The following ADAMTS13 variants were observed in gnomAD, a reference collection of about 807,000 sequenced individuals.
The protein encoded by ADAMTS13 is ADAM metallopeptidase with thrombospondin type 1 motif 13.
ADAMTS13 carries 110 observed loss-of-function variants against 155.1 expected under a neutral mutation model. That is an observed-to-expected ratio of 0.71 (90% CI 0.61 to 0.83). The LOEUF (loss-of-function observed/expected upper bound fraction) is 0.83, where lower values mean the gene tolerates loss of function less well. Ranked by LOEUF, ADAMTS13 falls within the 40% of genes least tolerant of loss-of-function variation. The pLI is 0.00. For missense variants in ADAMTS13, 1,707 were observed against 1,891.7 expected (o/e 0.90, Z 1.81); for synonymous variants, 758 against 756.4 (o/e 1.00, Z -0.03).
upstream of ADAMTS13, among the ~76,000 whole-genome samples, chr9:133,419,175 C>T (rs1254509521): frequency 6.6e-6 from 1 of 152,094 alleles, no homozygotes; most frequent in Non-Finnish European, 1.5e-5. Flanking sequence ...GTGTAACAGG[C>T]AGAGGTTGAT....
chr9:133,439,014 G>C (rs1265652051), intron 14 of ADAMTS13, among the ~76,000 whole-genome samples: 3 of 152,104 alleles, frequency 2.0e-5, no homozygotes, highest in Admixed American at 2.0e-4. Context: ...TGAATGAGAG[G>C]GTTGGTAGTT....
intron 14 of ADAMTS13, 108 bp downstream of exon 14, chr9:133,438,474 C>T (rs1841417047): frequency 6.6e-7 from 1 of 1,511,630 alleles, no homozygotes; most frequent in Non-Finnish European, 8.9e-7. Context: ...CCTGCACACT[C>T]ACTCAGCCCT....
chr9:133,450,361 G>A (rs1842359792), intron 23 of ADAMTS13, among the ~76,000 whole-genome samples: 1 of 152,034 alleles, frequency 6.6e-6, no homozygotes, highest in Non-Finnish European at 1.5e-5. Flanking sequence ...CTGAGGTTGG[G>A]AGTTCGAGAC....
In ADAMTS13 at chr9:133,438,258, G is replaced by C; in HGVS notation, c.1597G>C (p.Asp533His). 1 of 1,614,146 alleles carries C rather than the reference G, an allele frequency of 6.2e-7. No individual in the cohort carries two copies. Among genetic ancestry groups the C allele is most frequent in the Non-Finnish European group, 8.5e-7 (1 of 1,180,024 alleles). ...TCCCTTTGCATAGACATTTGGCTGT[G>C]ATGGTAGGATGGACTCCCAGCAGGT... is the stretch of plus-strand genomic sequence containing the variant. ...VSGSCRTFGC[D>H]GRMDSQQVWD... Residue 533 changes from aspartate to histidine, a missense_variant, in exon 14 of 29, where the codon GAT becomes CAT. Physicochemically the swap from Asp to His is moderately conservative, Grantham distance 81. Transcript: ENST00000355699.
chr9:133,454,284 T>C, intron 23 of ADAMTS13, 131 bp from the exon 24 acceptor site: 1 of 1,136,042 alleles, frequency 8.8e-7, no homozygotes, highest in Non-Finnish European at 1.3e-6. Context: ...GTGGCTGCAC[T>C]TTCCATCTTG....
At position 133,424,599 on chromosome 9, in the gene ADAMTS13, G is replaced by T; in HGVS notation, c.330+121G>T. The stretch of plus-strand genomic sequence containing the variant: ...TTAAACTCAGGTAGAATGGCTCGGG[G>T]TTCTTCCTCTTCTCCCTCCCTCCCC... On this transcript the variant is annotated intron_variant, in intron 3 of 28. Transcript: ENST00000355699. This position sits in a 1 kb window ranked among gnomAD's most constrained non-coding sequence, Gnocchi z 4.3. 1 of 1,442,430 alleles carries T rather than the reference G, an allele frequency of 6.9e-7. No individual in the cohort carries two copies. Among genetic ancestry groups the T allele is most frequent in the Non-Finnish European group, 9.4e-7 (1 of 1,058,844 alleles). The allele number at this position is 1,442,430 out of a possible 1,614,324, so 89.4% of individuals were successfully genotyped here. A position where few individuals can be genotyped will look rare whatever the true frequency, so the allele number is the denominator to read the frequency against.
chr9:133,450,132 T>G (rs1326673297), intron 23 of ADAMTS13, among the ~76,000 whole-genome samples, 167 bp downstream of exon 23: 6 of 147,232 alleles, frequency 4.1e-5, no homozygotes, highest in Non-Finnish European at 9.0e-5. Flanking sequence ...ACCTCATCTC[T>G]AAAAAAAAAA....
At chr9:133,449,422 C>T (rs1554793575) in intron 22 of ADAMTS13, among the ~76,000 whole-genome samples, 2 of 59,096 alleles carry the variant, frequency 3.4e-5, no homozygotes, top group South Asian at 5.4e-4. Context: ...CCAAACACAG[C>T]GGGAGGGGAG....
intron 8 of ADAMTS13, among the ~76,000 whole-genome samples, chr9:133,432,036 G>T (rs1424308214): frequency 1.3e-5 from 2 of 152,022 alleles, no homozygotes; most frequent in African/African-American, 4.8e-5. Context: ...AGCCAAGGCA[G>T]GCGGATCACC....
intron 11 of ADAMTS13, among the ~76,000 whole-genome samples, chr9:133,434,115 A>G (rs1841003802): frequency 6.6e-6 from 1 of 151,614 alleles, no homozygotes; most frequent in Non-Finnish European, 1.5e-5. Context: ...ATAAAAATTA[A>G]AAAAGAGAGA....
chr9:133,426,478 G>C (rs1840290189), intron 6 of ADAMTS13, 133 bp downstream of exon 6: 1 of 1,242,692 alleles, frequency 8.0e-7, no homozygotes, highest in Admixed American at 2.0e-5. Flanking sequence ...CACCCCGACA[G>C]ACTCAGGTGT....
intron 1 of ADAMTS13, among the ~76,000 whole-genome samples, chr9:133,415,346 C>G (rs1554781337): frequency 6.6e-6 from 1 of 152,010 alleles, no homozygotes; most frequent in East Asian, 1.9e-4. Flanking sequence ...TTCAGCTTAT[C>G]TAGAAAGAAT....
intron 25 of ADAMTS13, 153 bp from the exon 26 acceptor site, chr9:133,455,916 C>A: frequency 1.0e-6 from 1 of 1,002,974 alleles, no homozygotes; most frequent in Non-Finnish European, 1.5e-6. Flanking sequence ...CCTATGCAGC[C>A]CCCCTCCCTG....
upstream of ADAMTS13, chr9:133,421,975 CAG>C (rs1331223379): frequency 5.4e-6 from 1 of 184,262 alleles, no homozygotes; most frequent in African/African-American, 2.4e-5. Flanking sequence ...GGCGCAGGCA[CAG>C]AGTAGGTGGA....
intron 6 of ADAMTS13, among the ~76,000 whole-genome samples, chr9:133,427,229 G>T (rs1458879794): frequency 6.6e-6 from 1 of 152,126 alleles, no homozygotes; most frequent in Admixed American, 6.5e-5. Flanking sequence ...CCTCTTCTTG[G>T]ATGTCTAGGT....
chr9:133,420,915 CAG>C (rs587767482), upstream of ADAMTS13, among the ~76,000 whole-genome samples: 233 of 152,306 alleles, frequency 1.5e-3, no homozygotes, highest in Non-Finnish European at 2.5e-3. Flanking sequence ...CAGCCAGAAA[CAG>C]GGCTATGGCA....
chr9:133,441,876 C>T lies in ADAMTS13; in HGVS notation c.1969-523C>T, dbSNP rs923790457. On this transcript the variant is annotated intron_variant, in intron 16 of 28. Coordinates refer to ENST00000355699, the MANE Select transcript of ADAMTS13 (RefSeq NM_139027.6). This position sits in a 1 kb window ranked among gnomAD's most constrained non-coding sequence, Gnocchi z 5.0. The stretch of plus-strand genomic sequence containing the variant: ...CCTAGCCCTTCTTGGGCTCCTTAGC[C>T]CAGCCTAAGGTGGGCCTGCCTCCTC... 1.3e-5 allele frequency among the ~76,000 whole-genome samples: 2 copies of T among 151,936 alleles called. No homozygotes were observed. The highest frequency in any genetic ancestry group is 2.4e-5 in the African/African-American group (1 of 41,426).
upstream of ADAMTS13, among the ~76,000 whole-genome samples, chr9:133,419,021 A>G (rs1386423041): frequency 1.3e-5 from 2 of 152,140 alleles, no homozygotes; most frequent in Non-Finnish European, 2.9e-5. Flanking sequence ...TTGTATTTTT[A>G]GTAGACCTGG....
In ADAMTS13 at chr9:133,439,282, C is replaced by T. The variant is rs1318989591; in HGVS notation, c.1706-84C>T. 5 of 1,100,142 alleles carry T rather than the reference C, an allele frequency of 4.5e-6. No individual in the cohort carries two copies. In the Admixed American group the frequency reaches 8.5e-5, roughly 19 times the overall value. The allele number at this position is 1,100,142 out of a possible 1,614,324, so 68.1% of individuals were successfully genotyped here. On this transcript the variant is annotated intron_variant, in intron 14 of 28. Transcript: ENST00000355699. ...AGCCCCATGGCATTGTTCAATTTTT[C>T]CCGACCAGCTAAGATCAGCTCCCTT...
Sources: gnomAD v4.1 joint callset for allele counts (sites outside exome capture counted in the v4.1 genomes callset) on GRCh38, gnomAD v4.1.1 for gene constraint, Gnocchi (gnomAD v3.1) non-coding constraint, MANE v1.5 for transcripts, NCBI Gene and HGNC (gene_info 2026-07-23, HGNC 2026-07-21) for gene names.